Variants in PCDHGB1 observed in about 807,000 individuals in gnomAD.
PCDHGB1 encodes the protein protocadherin gamma-B1.
In PCDHGB1, 34 loss-of-function variants were observed where a neutral mutation model predicts 56.6. That is an observed-to-expected ratio of 0.60 (90% CI 0.46 to 0.80). The LOEUF is 0.80. PCDHGB1 is among the 30% of genes least tolerant of loss of function. The pLI is 0.00. For missense variants in PCDHGB1, 1,278 were observed against 1,204.6 expected, an observed-to-expected ratio of 1.06 and a Z score of -0.90; for synonymous variants, 561 against 505.9, an observed-to-expected ratio of 1.11 and a Z score of -1.46.
chr5:141,415,521 G>T lies in PCDHGB1; in HGVS notation c.2409+62852G>T, dbSNP rs1357538686. 2.5e-6 allele frequency: 4 copies of T among 1,614,070 alleles called. No individual in the cohort carries two copies. The African/African-American group carries it at 5.3e-5, about 22-fold the overall frequency. Reference sequence around the variant, plus strand: ...TCCCCCAGCCCAATTATGCGGACACGCTCATCAGCCAGGAGAGCTGTGAGA... The same window carrying T: ...TCCCCCAGCCCAATTATGCGGACACTCTCATCAGCCAGGAGAGCTGTGAGA... On this transcript the variant is annotated intron_variant, in intron 1 of 3. Coordinates refer to ENST00000523390, the MANE Select transcript of PCDHGB1 (RefSeq NM_018922.3).
intron 1 of PCDHGB1, chr5:141,428,598 C>T (rs2097150047): frequency 4.5e-6 from 1 of 224,296 alleles, no homozygotes; most frequent in African/African-American, 2.3e-5. Context: ...TAGCAAGCTT[C>T]ACTGAAGAGA....
chr5:141,417,940 C>A, intron 1 of PCDHGB1: 2 of 1,613,054 alleles, frequency 1.2e-6, no homozygotes, highest in Non-Finnish European at 1.7e-6. Flanking sequence ...TGTTCTACCC[C>A]ACGCTGTGTG....
chr5:141,433,283 T>A, intron 1 of PCDHGB1: 1 of 1,183,074 alleles, frequency 8.5e-7, no homozygotes, highest in Non-Finnish European at 1.2e-6. Flanking sequence ...AGCCTCAAAC[T>A]CCTAGGCTCA....
intron 1 of PCDHGB1, among the ~76,000 whole-genome samples, chr5:141,386,536 GTGT>G (rs1561611759): frequency 6.6e-6 from 1 of 151,656 alleles, no homozygotes; most frequent in African/African-American, 2.4e-5. Flanking sequence ...TTTTAGACTA[GTGT>G]TGTATTTGGT....
chr5:141,485,067 C>G lies in PCDHGB1; in HGVS notation c.2410-9740C>G, dbSNP rs944494894. On this transcript the variant is annotated intron_variant, in intron 1 of 3. Transcript: ENST00000523390. This position sits in a 1 kb window ranked among gnomAD's most constrained non-coding sequence, Gnocchi z 5.7. Reference sequence around the variant, plus strand: ...CGGCGCCGGCCGAACCGCGCCAGAGCTGGCGCGGGGAAAGGGAGATAGGTG... The same window carrying G: ...CGGCGCCGGCCGAACCGCGCCAGAGGTGGCGCGGGGAAAGGGAGATAGGTG... 21 of 894,418 alleles carry G rather than the reference C, an allele frequency of 2.3e-5. No individual in the cohort carries two copies. The highest frequency in any genetic ancestry group is 1.8e-4 in the Admixed American group (8 of 43,320). 55.4% of individuals were successfully genotyped at this position (894,418 alleles called of 1,614,324 possible). A position where few individuals can be genotyped will look rare whatever the true frequency, so the allele number is the denominator to read the frequency against.
intron 1 of PCDHGB1, chr5:141,414,679 G>T: frequency 6.2e-7 from 1 of 1,613,960 alleles, no homozygotes; most frequent in South Asian, 1.1e-5. Context: ...CACCATCCAG[G>T]GGGTACCTCT....
intron 1 of PCDHGB1, among the ~76,000 whole-genome samples, chr5:141,354,123 G>C (rs1759471548): frequency 6.6e-6 from 1 of 152,204 alleles, no homozygotes; most frequent in Non-Finnish European, 1.5e-5. Flanking sequence ...AGTAAAGTTA[G>C]AAATTGTAAA....
At chr5:141,393,348 T>G in intron 1 of PCDHGB1, 1 of 1,613,848 alleles carries the variant, frequency 6.2e-7, no homozygotes, top group Non-Finnish European at 8.5e-7. Context: ...TCACCACTTC[T>G]CCCTGGACGT....
intron 1 of PCDHGB1, chr5:141,399,667 C>T (rs752195462): frequency 1.2e-6 from 2 of 1,613,634 alleles, no homozygotes; most frequent in Non-Finnish European, 8.5e-7. Context: ...GTTCGCGCAG[C>T]GCGCCTTTGA....
intron 1 of PCDHGB1, among the ~76,000 whole-genome samples, chr5:141,482,410 T>G (rs1054330181): frequency 2.3e-4 from 35 of 151,890 alleles, no homozygotes; most frequent in Non-Finnish European, 1.0e-4. Flanking sequence ...AATAACTATT[T>G]GTTGAACTAA....
At position 141,362,271 on chromosome 5, in the gene PCDHGB1, C is replaced by A. The variant is rs183808051; in HGVS notation, c.2409+9602C>A. On this transcript the variant is annotated intron_variant, in intron 1 of 3. Coordinates refer to ENST00000523390, the MANE Select transcript of PCDHGB1 (RefSeq NM_018922.3). Reference sequence around the variant, plus strand: ...TCCTCGCGGTGATTCTGGCAATCTCCCTGCGCCTGCGACTCTCTTCCAGGT... The same window carrying A: ...TCCTCGCGGTGATTCTGGCAATCTCACTGCGCCTGCGACTCTCTTCCAGGT... 9.6e-4 allele frequency: 1,557 copies of A among 1,614,030 alleles called. 12 individuals carry two copies. The African/African-American group carries it at 0.01, about 10-fold the overall frequency.
At chr5:141,415,183 G>A (rs201831693) in intron 1 of PCDHGB1, 913 of 1,613,968 alleles carry the variant, frequency 5.7e-4, no homozygotes, top group Non-Finnish European at 5.1e-4. Flanking sequence ...GGCCGTGGCC[G>A]ACAGCATCCC....
rs751047365 is a variant in PCDHGB1 at position 141,419,570 on chromosome 5, G to C, written c.2409+66901G>C. On this transcript the variant is annotated intron_variant, in intron 1 of 3. Transcript: ENST00000523390. ...GCTGTACCCTGCGCTGGGTCCCGAC[G>C]GCTCCGCGCTCTTCGACACAGTGCC... 5.6e-6 allele frequency: 9 copies of C among 1,611,766 alleles called. No individual in the cohort carries two copies. The South Asian group carries it at 8.8e-5, about 16-fold the overall frequency.
intron 1 of PCDHGB1, chr5:141,414,464 A>G (rs1331771342): frequency 1.2e-6 from 2 of 1,613,904 alleles, no homozygotes; most frequent in African/African-American, 1.3e-5. Context: ...ACAGCCACAG[A>G]TGGGGGAAGT....
intron 1 of PCDHGB1, chr5:141,357,513 C>T (rs1239819911): frequency 2.5e-6 from 4 of 1,614,122 alleles, no homozygotes; most frequent in East Asian, 2.2e-5. Context: ...TGATCTTCTC[C>T]CAACCCAGCT....
chr5:141,441,631 C>A, intron 1 of PCDHGB1: 2 of 226,308 alleles, frequency 8.8e-6, no homozygotes, highest in Non-Finnish European at 1.8e-5. Context: ...GACCTGGAGC[C>A]ACAGGCGCTG....
chr5:141,361,660 G>A (rs768286784), intron 1 of PCDHGB1: 5 of 1,613,636 alleles, frequency 3.1e-6, no homozygotes, highest in East Asian at 4.5e-5. Context: ...GTCCGTGAGC[G>A]CGCAGAGCGG....
intron 1 of PCDHGB1, chr5:141,375,864 T>G: frequency 6.2e-7 from 1 of 1,613,866 alleles, no homozygotes; most frequent in African/African-American, 1.3e-5. Context: ...GTGGTGGCGG[T>G]GGACAGAGAC....
intron 2 of PCDHGB1, among the ~76,000 whole-genome samples, chr5:141,497,213 G>A (rs1313220474): frequency 6.6e-6 from 1 of 152,126 alleles, no homozygotes; most frequent in Non-Finnish European, 1.5e-5. Flanking sequence ...GTGTAATGGG[G>A]GGGGGAAGAT....
Sources: gnomAD v4.1 joint callset for allele counts (sites outside exome capture counted in the v4.1 genomes callset) on GRCh38, gnomAD v4.1.1 for gene constraint, Gnocchi (gnomAD v3.1) non-coding constraint, MANE v1.5 for transcripts, NCBI Gene and HGNC (gene_info 2026-07-23, HGNC 2026-07-21) for gene names.